Variants in RIPPLY3 observed in about 807,000 individuals in gnomAD.
RIPPLY3 encodes ripply transcriptional repressor 3.
Under a neutral mutation model 11.9 loss-of-function variants are expected in RIPPLY3, and 8 were observed. The ratio of observed to expected loss-of-function variants is 0.67; its 90% CI spans 0.40 to 1.21. The LOEUF (loss-of-function observed/expected upper bound fraction) is 1.21. RIPPLY3 is among the 50% of genes most tolerant of loss of function. The pLI is 0.01. For synonymous variants in RIPPLY3, 102 were observed against 99.0 expected (o/e 1.03, Z -0.18); for missense variants, 271 against 246.0 (o/e 1.10, Z -0.68).
chr21:37,011,884 G>A (rs1451878269), intron 2 of RIPPLY3, among the ~76,000 whole-genome samples: 2 of 125,388 alleles, frequency 1.6e-5, no homozygotes, highest in Admixed American at 1.1e-4. Context: ...AGCCGAGATC[G>A]CACCACTGCA....
intron 3 of RIPPLY3, among the ~76,000 whole-genome samples, chr21:37,017,233 C>T (rs1269895891): frequency 6.6e-6 from 1 of 151,218 alleles, no homozygotes; most frequent in Non-Finnish European, 1.5e-5. Context: ...TCTTATAAAA[C>T]CTGGAATTTA....
intron 3 of RIPPLY3, among the ~76,000 whole-genome samples, chr21:37,013,853 T>C (rs1195176721): frequency 6.6e-6 from 1 of 152,234 alleles, no homozygotes; most frequent in East Asian, 1.9e-4. Flanking sequence ...CTCTTTTCTT[T>C]ATACCTGTTA....
intron 2 of RIPPLY3, among the ~76,000 whole-genome samples, chr21:37,013,061 A>G (rs963797804): frequency 6.6e-5 from 10 of 151,338 alleles, no homozygotes; most frequent in African/African-American, 1.7e-4. Flanking sequence ...ACCCGCCTCA[A>G]TCTCCCAAAA....
Position 37,018,171 on chromosome 21 carries a change from C to G in RIPPLY3, c.537C>G (p.Val179=). The G allele has an allele frequency of 6.2e-7, 1 of 1,613,948 alleles. No individual in the cohort carries two copies. The highest frequency in any genetic ancestry group is 8.5e-7 in the Non-Finnish European group (1 of 1,179,934). Residue 179 remains valine, a synonymous_variant, in exon 4 of 4, where the codon GTC becomes GTG. Coordinates refer to ENST00000329553, the MANE Select transcript of RIPPLY3 (RefSeq NM_018962.3). ...GGGAGGGTCCGCTCCCTCAAGGTGT[C>G]TCCTCAAGGGGTGGCAAGTGCTCCT... The part of the protein sequence containing the change: ...HWGEGPLPQG[V]SSRGGKCSSS...
chr21:37,010,152 C>T (rs1601095726), intron 2 of RIPPLY3, among the ~76,000 whole-genome samples: 1 of 152,290 alleles, frequency 6.6e-6, no homozygotes, highest in South Asian at 2.1e-4. Flanking sequence ...GGACTAACGC[C>T]TGGTGACCTG....
chr21:37,018,119 G>A lies in RIPPLY3; in HGVS notation c.485G>A (p.Arg162Gln), dbSNP rs61735126. The A allele has an allele frequency of 1.8e-3, 2,954 of 1,614,024 alleles. 36 individuals carry two copies. The African/African-American group carries it at 0.032, about 18-fold the overall frequency. Residue 162 changes from arginine (R) to glutamine (Q), a missense_variant, in exon 4 of 4, where the codon CGA becomes CAA. By Grantham distance (43) the Arg-to-Gln change is conservative (BLOSUM62 1). Coordinates refer to ENST00000329553, the MANE Select transcript of RIPPLY3 (RefSeq NM_018962.3). Reference sequence around the variant, plus strand: ...GACCAGGGCATCAACCAAGGGCAGCGATCCTCAGGAGGGGGTGACCACTGG... The same window carrying A: ...GACCAGGGCATCAACCAAGGGCAGCAATCCTCAGGAGGGGGTGACCACTGG... ...GRDQGINQGQRSSGGGDHWGE... is the reference protein window; with the variant it reads ...GRDQGINQGQQSSGGGDHWGE...
At chr21:37,016,703 T>G (rs901353801) in intron 3 of RIPPLY3, among the ~76,000 whole-genome samples, 1 of 152,264 alleles carries the variant, frequency 6.6e-6, no homozygotes, top group African/African-American at 2.4e-5. Context: ...TGTGGTGGCA[T>G]GCACCAGTAG....
intron 3 of RIPPLY3, among the ~76,000 whole-genome samples, chr21:37,016,807 G>A (rs1170868119): frequency 6.6e-6 from 1 of 152,108 alleles, no homozygotes; most frequent in Non-Finnish European, 1.5e-5. Context: ...CTCCAGCCTG[G>A]GTGGCAGAAT....
intron 2 of RIPPLY3, among the ~76,000 whole-genome samples, chr21:37,011,615 A>G (rs2069522701): frequency 6.6e-6 from 1 of 152,182 alleles, no homozygotes. Flanking sequence ...AACTTTATGG[A>G]AAAGATTTGG....
chr21:37,018,481 A>G lies in RIPPLY3; in HGVS notation c.*274A>G, dbSNP rs937286932. On this transcript the variant is annotated 3_prime_UTR_variant, in exon 4 of 4. Transcript: ENST00000329553. ...AACAGAGTTGTTATCTCATAGAGCC[A>G]GTTTTCAAAGCTCCTTCTGCATTGT... The G allele has an allele frequency of 2.3e-6, 1 of 433,272 alleles. No homozygotes were observed. Among genetic ancestry groups the G allele is most frequent in the Admixed American group, 3.9e-5 (1 of 25,510 alleles). 26.8% of individuals were successfully genotyped at this position (433,272 alleles called of 1,614,324 possible). A position where few individuals can be genotyped will look rare whatever the true frequency, so the allele number is the denominator to read the frequency against.
Position 37,006,779 on chromosome 21 carries a change from C to T in RIPPLY3, c.7C>T (p.Pro3Ser), listed in dbSNP as rs2069468295. ME[P>S]EAAAGARKAR... ...CGCGGGCTCCGCCGGCACCATGGAG[C>T]CCGAAGCGGCGGCCGGAGCCCGGAA... The change falls in exon 1 of 4, where the codon CCC (proline) becomes TCC (serine). Residue 3 changes from proline to serine, a missense_variant. Physicochemically the swap from Pro to Ser is moderately conservative, Grantham distance 74. Coordinates refer to ENST00000329553, the MANE Select transcript of RIPPLY3 (RefSeq NM_018962.3). This position sits in a 1 kb window ranked among gnomAD's most constrained non-coding sequence, Gnocchi z 5.2. The T allele has an allele frequency of 1.5e-5, 18 of 1,231,852 alleles. No homozygotes were observed. Among genetic ancestry groups the T allele is most frequent in the Admixed American group, 4.3e-5 (1 of 23,500 alleles). 76.3% of individuals were successfully genotyped at this position (1,231,852 alleles called of 1,614,324 possible).
chr21:37,015,581 A>G (rs1277568433), intron 3 of RIPPLY3, among the ~76,000 whole-genome samples: 2 of 152,240 alleles, frequency 1.3e-5, no homozygotes, highest in Non-Finnish European at 2.9e-5. Flanking sequence ...AGAAAATTTC[A>G]GACATACACA....
intron 2 of RIPPLY3, among the ~76,000 whole-genome samples, chr21:37,008,950 C>T (rs1346337949): frequency 6.6e-6 from 1 of 151,934 alleles, no homozygotes; most frequent in African/African-American, 2.4e-5. Context: ...AGGACTGAGC[C>T]CCATCTGAGG....
chr21:37,009,808 C>G (rs927749898), intron 2 of RIPPLY3, among the ~76,000 whole-genome samples: 1 of 152,204 alleles, frequency 6.6e-6, no homozygotes, highest in Admixed American at 6.5e-5. Flanking sequence ...CAGCAGGTAG[C>G]CTGTCACGCT....
Position 37,018,983 on chromosome 21 carries a change from T to A in RIPPLY3, c.*776T>A, listed in dbSNP as rs1488748659. ...TGCTGGGATTACAGGCGTGAGCCAC[T>A]GAGCCCGGCCAAAAAAAAATGTATT... is the stretch of plus-strand genomic sequence containing the variant. On this transcript the variant is annotated 3_prime_UTR_variant, in exon 4 of 4. Transcript: ENST00000329553. The A allele has an allele frequency of 1.3e-5, 2 of 151,942 alleles. No individual in the cohort carries two copies. The highest frequency in any genetic ancestry group is 3.9e-4 in the East Asian group (2 of 5,138). 9.4% of individuals were successfully genotyped at this position (151,942 alleles called of 1,614,324 possible).
chr21:37,018,192 C>T lies in RIPPLY3; in HGVS notation c.558C>T (p.Cys186=), dbSNP rs929842764. The stretch of plus-strand genomic sequence containing the variant: ...GTGTCTCCTCAAGGGGTGGCAAGTG[C>T]TCCTCATCCAAATGAATCAGTCTCT... ...PQGVSSRGGK[C]SSSK Residue 186 remains cysteine (C), a synonymous_variant, in exon 4 of 4, where the codon TGC becomes TGT. Coordinates refer to ENST00000329553, the MANE Select transcript of RIPPLY3 (RefSeq NM_018962.3). 2 of 1,613,014 alleles carry T rather than the reference C, an allele frequency of 1.2e-6. No individual in the cohort carries two copies. Among genetic ancestry groups the T allele is most frequent in the African/African-American group, 2.7e-5 (2 of 74,898 alleles).
At chr21:37,015,252 C>T (rs539620349) in intron 3 of RIPPLY3, among the ~76,000 whole-genome samples, 31 of 152,260 alleles carry the variant, frequency 2.0e-4, no homozygotes, top group African/African-American at 6.7e-4. Flanking sequence ...GCAACTCCAC[C>T]TCCCATATTC....
chr21:37,014,902 T>C (rs781063634), intron 3 of RIPPLY3, among the ~76,000 whole-genome samples: 32 of 150,010 alleles, frequency 2.1e-4, no homozygotes, highest in Non-Finnish European at 3.4e-4. Flanking sequence ...AATTTTGTAA[T>C]TTTTTTGTAG....
chr21:37,008,783 G>A (rs1368051590), intron 2 of RIPPLY3, among the ~76,000 whole-genome samples: 1 of 143,448 alleles, frequency 7.0e-6, no homozygotes, highest in Non-Finnish European at 1.5e-5. Flanking sequence ...AAAAAAAACC[G>A]TAGTCGTTTC....
Sources: gnomAD v4.1 joint callset for allele counts (sites outside exome capture counted in the v4.1 genomes callset) on GRCh38, gnomAD v4.1.1 for gene constraint, Gnocchi (gnomAD v3.1) non-coding constraint, MANE v1.5 for transcripts, NCBI Gene and HGNC (gene_info 2026-07-23, HGNC 2026-07-21) for gene names.